The following SCAPER variants were observed in gnomAD, a reference collection of about 807,000 sequenced individuals.
SCAPER encodes S phase cyclin A-associated protein in the endoplasmic reticulum.
A neutral mutation model predicts 182.2 loss-of-function variants in SCAPER; 98 were observed. The observed-to-expected ratio is 0.54, with a 90% CI of 0.46 to 0.64. The LOEUF (loss-of-function observed/expected upper bound fraction) is 0.64. Among genes scored for constraint, SCAPER ranks in the 30% least tolerant of loss-of-function variants. The pLI is 0.00. For missense variants in SCAPER, 1,432 were observed against 1,690.0 expected, an observed-to-expected ratio of 0.85 and a Z score of 2.68; for synonymous variants, 605 against 564.6, an observed-to-expected ratio of 1.07 and a Z score of -1.01.
rs76130524 is a variant in SCAPER, at chr15:76,682,360, G to A, written c.2509-16571C>T. Among the ~76,000 whole-genome samples the A allele has an allele frequency of 9.0e-3, 1,357 of 151,068 alleles. 21 individuals carry two copies. The highest frequency in any genetic ancestry group is 0.032 in the African/African-American group (1,321 of 41,116). ...CCCAATGATGCCCCCAGCTGAAAGG[G>A]AGGTACCCAGCTGTGCCATCATTGC... On this transcript the variant is annotated intron_variant, in intron 20 of 31. Transcript: ENST00000563290.
At chr15:76,768,825 CAAAA>C (rs60357495) in intron 10 of SCAPER, among the ~76,000 whole-genome samples, 1 of 144,882 alleles carries the variant, frequency 6.9e-6, no homozygotes, top group Non-Finnish European at 1.5e-5. Context: ...GGTATTTTCT[CAAAA>C]AAAAAAAAAA....
chr15:76,488,778 T>A (rs1440203277), intron 24 of SCAPER, among the ~76,000 whole-genome samples: 1 of 131,802 alleles, frequency 7.6e-6, no homozygotes, highest in Non-Finnish European at 1.6e-5. Flanking sequence ...CAGGCTGGAG[T>A]GAAGTGGTGG....
At chr15:76,542,126 G>A (rs894830669) in intron 23 of SCAPER, among the ~76,000 whole-genome samples, 1 of 152,078 alleles carries the variant, frequency 6.6e-6, no homozygotes, top group Admixed American at 6.6e-5. Context: ...TTTAAAACTA[G>A]ACAAAACCCT....
chr15:76,404,772 C>G, intron 26 of SCAPER, 93 bp from the exon 27 acceptor site: 1 of 1,279,966 alleles, frequency 7.8e-7, no homozygotes, highest in East Asian at 2.5e-5. Context: ...CAGGCTTGGA[C>G]CCCTCAAACA....
At chr15:76,670,197 T>A (rs2056911038) in intron 20 of SCAPER, among the ~76,000 whole-genome samples, 1 of 151,798 alleles carries the variant, frequency 6.6e-6, no homozygotes, top group African/African-American at 2.4e-5. Flanking sequence ...TAAATAAAAA[T>A]TAAAATATTT....
intron 3 of SCAPER, chr15:76,861,722 TTTTA>T (rs1474085352): frequency 8.5e-5 from 13 of 152,208 alleles, no homozygotes. Flanking sequence ...AAAAACCTCC[TTTTA>T]TTTTTATAAG....
chr15:76,613,367 G>C (rs2051168878), intron 22 of SCAPER, among the ~76,000 whole-genome samples: 1 of 152,178 alleles, frequency 6.6e-6, no homozygotes, highest in South Asian at 2.1e-4. Context: ...CATGGGCAAA[G>C]ATTTCATGAC....
chr15:76,393,720 G>A (rs2043860592), intron 27 of SCAPER, among the ~76,000 whole-genome samples: 2 of 152,236 alleles, frequency 1.3e-5, no homozygotes, highest in Admixed American at 1.3e-4. Context: ...TGTAGTGCAA[G>A]TGATGCTGTG....
intron 25 of SCAPER, among the ~76,000 whole-genome samples, chr15:76,442,208 T>C (rs2047661975): frequency 6.6e-6 from 1 of 152,180 alleles, no homozygotes; most frequent in Admixed American, 6.5e-5. Context: ...GTTACTGTAG[T>C]CTATGAGGTA....
At chr15:76,377,352 T>TG (rs1482080967) in intron 28 of SCAPER, among the ~76,000 whole-genome samples, 3 of 151,828 alleles carry the variant, frequency 2.0e-5, no homozygotes, top group African/African-American at 7.2e-5. Flanking sequence ...AGAAGGACTT[T>TG]GCTCCTTTAA....
chr15:76,870,041 A>C (rs778347507), intron 2 of SCAPER, among the ~76,000 whole-genome samples: 7 of 152,048 alleles, frequency 4.6e-5, no homozygotes, highest in Admixed American at 2.6e-4. Context: ...GAGCTAAAAA[A>C]GTGGATCTCA....
intron 26 of SCAPER, among the ~76,000 whole-genome samples, chr15:76,412,209 G>T (rs2045337827): frequency 6.6e-6 from 1 of 152,132 alleles, no homozygotes. Context: ...GTTGCTAGAG[G>T]TTGTGGGGGA....
chr15:76,617,114 T>A (rs1404972750), intron 22 of SCAPER, among the ~76,000 whole-genome samples: 4 of 152,138 alleles, frequency 2.6e-5, no homozygotes, highest in Admixed American at 2.0e-4. Flanking sequence ...CCACCCCTCT[T>A]TTTTCTTTAT....
chr15:76,642,015 C>T (rs1283304778), intron 21 of SCAPER, among the ~76,000 whole-genome samples: 2 of 151,996 alleles, frequency 1.3e-5, no homozygotes, highest in Non-Finnish European at 2.9e-5. Flanking sequence ...TGTTGTCATC[C>T]CTAAAATAAG....
chr15:76,678,031 A>C (rs1286959330), intron 20 of SCAPER, among the ~76,000 whole-genome samples: 1 of 152,110 alleles, frequency 6.6e-6, no homozygotes, highest in Non-Finnish European at 1.5e-5. Context: ...AATGTGGCAC[A>C]ATGAAGCAAA....
Position 76,397,255 on chromosome 15 carries a change from T to A in SCAPER, c.3467+7269A>T, listed in dbSNP as rs539647903. Among the ~76,000 whole-genome samples, 54 of 152,208 alleles carry A rather than the reference T, an allele frequency of 3.5e-4. 2 individuals are homozygous for A. In the South Asian group the frequency reaches 7.0e-3, roughly 20 times the overall value. ...TTTGTTGAGGATTTCTGCATTAATATTCATCAGGGATACTGGTCTTTAGTT... is the reference window on the plus strand; with the variant it reads ...TTTGTTGAGGATTTCTGCATTAATAATCATCAGGGATACTGGTCTTTAGTT... On this transcript the variant is annotated intron_variant, in intron 27 of 31. Coordinates refer to ENST00000563290, the MANE Select transcript of SCAPER (RefSeq NM_020843.4).
At chr15:76,791,949 T>G (rs758922293) in intron 8 of SCAPER, among the ~76,000 whole-genome samples, 3 of 151,104 alleles carry the variant, frequency 2.0e-5, no homozygotes, top group South Asian at 2.1e-4. Context: ...TTTTTTGTCT[T>G]GCAACATGAT....
chr15:76,627,082 A>T (rs951756137), intron 21 of SCAPER, among the ~76,000 whole-genome samples: 1 of 152,102 alleles, frequency 6.6e-6, no homozygotes, highest in African/African-American at 2.4e-5. Flanking sequence ...TAAAAATTTC[A>T]TTGGTGTAGT....
chr15:76,768,168 A>G (rs972780569), intron 10 of SCAPER, among the ~76,000 whole-genome samples: 1 of 152,198 alleles, frequency 6.6e-6, no homozygotes, highest in Non-Finnish European at 1.5e-5. Flanking sequence ...TTAAACATAG[A>G]GTTCATATAA....
Sources: allele counts gnomAD v4.1 joint callset (sites outside exome capture counted in the v4.1 genomes callset), GRCh38; gene constraint gnomAD v4.1.1; transcripts MANE v1.5; gene names NCBI Gene and HGNC (gene_info 2026-07-23, HGNC 2026-07-21).